CEP135: variants seen among roughly 807,000 people sequenced by gnomAD.
CEP135 encodes the protein centrosomal protein of 135 kDa.
A neutral mutation model predicts 157.3 loss-of-function variants in CEP135; 142 were observed. That is an observed-to-expected ratio of 0.90 (90% CI 0.79 to 1.04). The LOEUF (loss-of-function observed/expected upper bound fraction) is 1.04. Among genes scored for constraint, CEP135 ranks in the 50% least tolerant of loss-of-function variants. The probability of loss-of-function intolerance (pLI) is 0.00; values close to 1 mark genes in which losing one functional copy is unlikely to be tolerated. For missense variants in CEP135, 1,317 were observed against 1,309.2 expected (o/e 1.01, Z -0.09); for synonymous variants, 396 against 439.8 (o/e 0.90, Z 1.25).
At chr4:55,967,984 T>C (rs1728896134) in intron 8 of CEP135, among the ~76,000 whole-genome samples, 1 of 152,198 alleles carries the variant, frequency 6.6e-6, no homozygotes, top group Non-Finnish European at 1.5e-5. Flanking sequence ...TTATCTCTGT[T>C]TACAGATGGC....
intron 21 of CEP135, among the ~76,000 whole-genome samples, chr4:56,015,301 G>A (rs1209947360): frequency 6.6e-6 from 1 of 152,202 alleles, no homozygotes; most frequent in Non-Finnish European, 1.5e-5. Context: ...CTAGTTGGCT[G>A]CAAGTTCACC....
At chr4:55,985,777 C>T (rs549799895) in intron 14 of CEP135, among the ~76,000 whole-genome samples, 7 of 152,010 alleles carry the variant, frequency 4.6e-5, no homozygotes, top group Non-Finnish European at 7.4e-5. Context: ...CTGTTTTATA[C>T]AATTACAATT....
At chr4:55,970,487 A>T (rs1340430820) in intron 9 of CEP135, among the ~76,000 whole-genome samples, 1 of 152,236 alleles carries the variant, frequency 6.6e-6, no homozygotes, top group South Asian at 2.1e-4. Flanking sequence ...TACTTTTTAT[A>T]CAGTCTAGCT....
chr4:55,972,456 G>A (rs921455569), intron 10 of CEP135, among the ~76,000 whole-genome samples: 44 of 152,174 alleles, frequency 2.9e-4, no homozygotes, highest in African/African-American at 7.5e-4. Flanking sequence ...AGTTTTCTAC[G>A]CAGAGGAAAT....
intron 14 of CEP135, 109 bp from the exon 15 acceptor site, chr4:55,991,825 T>A: frequency 1.5e-6 from 1 of 656,228 alleles, no homozygotes; most frequent in Non-Finnish European, 2.4e-6. Context: ...TTTTTAAAAA[T>A]AAATCTATTT....
At chr4:55,978,544 C>T (rs1376709701) in intron 11 of CEP135, among the ~76,000 whole-genome samples, 1 of 152,098 alleles carries the variant, frequency 6.6e-6, no homozygotes, top group African/African-American at 2.4e-5. Context: ...CTGCCTCTTT[C>T]TGGAAGATTA....
At chr4:55,994,795 C>G (rs991921901) in intron 15 of CEP135, among the ~76,000 whole-genome samples, 1 of 151,498 alleles carries the variant, frequency 6.6e-6, no homozygotes, top group African/African-American at 2.4e-5. Flanking sequence ...AAGCAATTCT[C>G]CTGCCTCAGC....
Position 56,010,766 on chromosome 4 carries a change from T to C in CEP135, c.2506-646T>C, listed in dbSNP as rs145732187. Among the ~76,000 whole-genome samples, 329 of 152,300 alleles carry C rather than the reference T, an allele frequency of 2.2e-3. 2 individuals carry two copies. The highest frequency in any genetic ancestry group is 7.4e-3 in the African/African-American group (308 of 41,528). ...ACTGAGAAAACCAGTGATTTTACTG[T>C]TTTAAACATCTTACGTTTTTAAAAA... On this transcript the variant is annotated intron_variant, in intron 19 of 25. Transcript: ENST00000257287.
intron 2 of CEP135, 49 bp downstream of exon 2, chr4:55,952,292 C>A (rs1560394716): frequency 9.5e-7 from 1 of 1,052,616 alleles, no homozygotes; most frequent in Admixed American, 1.9e-5. Flanking sequence ...TAACCACTTA[C>A]CTCATTTCTG....
intron 11 of CEP135, among the ~76,000 whole-genome samples, chr4:55,979,295 CAG>C (rs771876710): frequency 7.9e-5 from 12 of 152,054 alleles, no homozygotes; most frequent in Non-Finnish European, 1.3e-4. Context: ...TGGGGAGAAT[CAG>C]AGTGCTCTCA....
At chr4:56,012,345 C>T (rs991275015) in intron 21 of CEP135, among the ~76,000 whole-genome samples, 4 of 152,160 alleles carry the variant, frequency 2.6e-5, no homozygotes, top group Admixed American at 6.5e-5. Context: ...CATGAGCCAC[C>T]GCACCCGGCC....
intron 8 of CEP135, among the ~76,000 whole-genome samples, chr4:55,967,237 A>G (rs983465901): frequency 6.6e-6 from 1 of 152,156 alleles, no homozygotes; most frequent in African/African-American, 2.4e-5. Context: ...ACAATTATTA[A>G]TTATCAGTGG....
intron 6 of CEP135, 71 bp downstream of exon 6, chr4:55,959,837 A>C: frequency 4.2e-6 from 5 of 1,193,538 alleles, no homozygotes; most frequent in Non-Finnish European, 6.2e-6. Context: ...GAATTGGGTT[A>C]TATTTGAAAT....
chr4:55,979,397 A>C (rs529638411), intron 11 of CEP135, among the ~76,000 whole-genome samples: 1 of 152,300 alleles, frequency 6.6e-6, no homozygotes, highest in South Asian at 2.1e-4. Flanking sequence ...AAATTGTAGA[A>C]ATGTTGGAAG....
intron 6 of CEP135, among the ~76,000 whole-genome samples, chr4:55,962,412 T>C (rs1346664067): frequency 2.0e-5 from 3 of 152,158 alleles, no homozygotes; most frequent in Admixed American, 6.5e-5. Context: ...AAAACTCTTT[T>C]AACTACCTCC....
intron 13 of CEP135, among the ~76,000 whole-genome samples, chr4:55,984,203 T>C (rs1026265811): frequency 1.3e-5 from 2 of 152,228 alleles, no homozygotes; most frequent in African/African-American, 4.8e-5. Context: ...GCCTCTTTCC[T>C]CTAAACTCAT....
At position 56,017,821 on chromosome 4, in the gene CEP135, C is replaced by T; in HGVS notation, c.2976C>T (p.Thr992=). The T allele has an allele frequency of 6.2e-7, 1 of 1,612,880 alleles. No homozygotes were observed. Residue 992 remains threonine, a synonymous_variant, in exon 22 of 26, where the codon ACC becomes ACT. Transcript: ENST00000257287. ...TTGATTCAGGCAAAGATATTATGACCCAGCAATTGAATTCGAAAAACCTTG... is the reference window on the plus strand; with the variant it reads ...TTGATTCAGGCAAAGATATTATGACTCAGCAATTGAATTCGAAAAACCTTG... ...IKLDSGKDIM[T]QQLNSKNLEF...
intron 8 of CEP135, among the ~76,000 whole-genome samples, chr4:55,967,905 T>A (rs753212735): frequency 6.6e-6 from 1 of 152,142 alleles, no homozygotes; most frequent in Admixed American, 6.5e-5. Context: ...CTGCTCAACA[T>A]AGTACTGGAA....
chr4:56,021,112 G>A (rs1730960945), intron 24 of CEP135, among the ~76,000 whole-genome samples: 1 of 152,122 alleles, frequency 6.6e-6, no homozygotes, highest in African/African-American at 2.4e-5. Flanking sequence ...GAATCCAAAA[G>A]TATTTCAAAG....
Sources: gnomAD v4.1 joint callset for allele counts (sites outside exome capture counted in the v4.1 genomes callset) on GRCh38, gnomAD v4.1.1 for gene constraint, MANE v1.5 for transcripts, NCBI Gene and HGNC (gene_info 2026-07-23, HGNC 2026-07-21) for gene names.